Variants in ANKRD30A observed in about 807,000 individuals in gnomAD.
The protein encoded by ANKRD30A is ankyrin repeat domain-containing protein 30A.
Under a neutral mutation model 166.3 loss-of-function variants are expected in ANKRD30A, and 170 were observed. The ratio of observed to expected loss-of-function variants is 1.02; its 90% CI spans 0.90 to 1.16. The LOEUF (loss-of-function observed/expected upper bound fraction) is 1.16. Among genes scored for constraint, ANKRD30A ranks in the 50% most tolerant of loss-of-function variants. The pLI is 0.00. For missense variants in ANKRD30A, 1,630 were observed against 1,518.0 expected (o/e 1.07, Z -1.23); for synonymous variants, 564 against 508.9 (o/e 1.11, Z -1.46).
intron 7 of ANKRD30A, among the ~76,000 whole-genome samples, chr10:37,143,113 A>T (rs1044951093): frequency 6.6e-6 from 1 of 152,220 alleles, no homozygotes; most frequent in African/African-American, 2.4e-5. Context: ...TGATTAGCTT[A>T]GAATAATGAT....
chr10:37,151,966 A>T (rs17605897), intron 11 of ANKRD30A, 94 bp from the exon 12 acceptor site: 213 of 1,156,656 alleles, frequency 1.8e-4, no homozygotes, highest in Non-Finnish European at 2.3e-4. Context: ...AGGAAAAACC[A>T]CAGATTCGTG....
chr10:37,195,682 G>A (rs1404826654), intron 27 of ANKRD30A, among the ~76,000 whole-genome samples: 6 of 152,194 alleles, frequency 3.9e-5, no homozygotes, highest in South Asian at 4.1e-4. Context: ...ATCACTAGGT[G>A]AGGAGATCGA....
At chr10:37,229,055 CTTG>C (rs1306676722) in intron 34 of ANKRD30A, among the ~76,000 whole-genome samples, 3 of 151,932 alleles carry the variant, frequency 2.0e-5, no homozygotes, top group East Asian at 1.9e-4. Context: ...AGCTATATGT[CTTG>C]TTGTTAATGC....
At chr10:37,221,640 C>A (rs989894477) in intron 34 of ANKRD30A, among the ~76,000 whole-genome samples, 3 of 151,228 alleles carry the variant, frequency 2.0e-5, no homozygotes, top group African/African-American at 7.3e-5. Context: ...AAAACTGTGG[C>A]TGTCATTCTG....
At position 37,130,262 on chromosome 10, in the gene ANKRD30A, A is replaced by G. The variant is rs1163627429; in HGVS notation, c.394A>G (p.Ile132Val). ...ANILIDSGAD[I>V]NLVDVYGNTA... ...TATTCTGATAGATTCTGGTGCCGAT[A>G]TAAATCTCGTAGATGTGTATGGCAA... The change falls in exon 3 of 36, where the codon ATA (isoleucine) becomes GTA (valine). Residue 132 changes from isoleucine (I) to valine (V), a missense_variant. By Grantham distance (29) the Ile-to-Val change is conservative (BLOSUM62 3). Around this residue, in one of 4 missense-constraint regions of ANKRD30A, gnomAD observed 904 missense variants for 818.5 expected, o/e 1.10. Transcript: ENST00000361713. The G allele has an allele frequency of 7.5e-6, 12 of 1,604,104 alleles. No individual in the cohort carries two copies. Among genetic ancestry groups the G allele is most frequent in the African/African-American group, 1.4e-5 (1 of 74,030 alleles).
chr10:37,248,395 A>G, the ANKRD30A span, among the ~76,000 whole-genome samples: 1 of 152,178 alleles, frequency 6.6e-6, no homozygotes, highest in African/African-American at 2.4e-5. Context: ...ACAGCAAGCC[A>G]AGTAGGTTAC....
chr10:37,190,248 C>T (rs1466678939), intron 25 of ANKRD30A, among the ~76,000 whole-genome samples: 2 of 151,888 alleles, frequency 1.3e-5, no homozygotes, highest in South Asian at 2.1e-4. Context: ...ACTTGGGATT[C>T]TGCATTTTTA....
At chr10:37,165,353 G>T (rs1268404913) in intron 18 of ANKRD30A, among the ~76,000 whole-genome samples, 198 bp downstream of exon 18, 6 of 152,220 alleles carry the variant, frequency 3.9e-5, no homozygotes, top group African/African-American at 7.2e-5. Flanking sequence ...GAATTTGTAC[G>T]ATTAATTTAA....
intron 31 of ANKRD30A, among the ~76,000 whole-genome samples, chr10:37,210,515 G>T (rs1018021503): frequency 1.3e-5 from 2 of 151,866 alleles, no homozygotes; most frequent in Admixed American, 6.6e-5. Flanking sequence ...TGGTATTTCT[G>T]GTTCTAGATC....
chr10:37,164,090 G>T (rs561545321), intron 17 of ANKRD30A, among the ~76,000 whole-genome samples: 32 of 148,140 alleles, frequency 2.2e-4, no homozygotes, highest in African/African-American at 7.0e-4. Context: ...TTGTGAACAT[G>T]AGCTATGCTG....
intron 24 of ANKRD30A, among the ~76,000 whole-genome samples, chr10:37,179,645 C>T (rs1274743052): frequency 1.4e-5 from 2 of 145,946 alleles, no homozygotes; most frequent in Admixed American, 6.8e-5. Context: ...AACTCTTATC[C>T]GAACTGTGTG....
At position 37,218,965 on chromosome 10, in the gene ANKRD30A, T is replaced by C; in HGVS notation, c.3268-15T>C. 2.0e-6 allele frequency: 3 copies of C among 1,524,126 alleles called. No homozygotes were observed. The highest frequency in any genetic ancestry group is 2.7e-6 in the Non-Finnish European group (3 of 1,127,798). The allele number at this position is 1,524,126 out of a possible 1,614,324, so 94.4% of individuals were successfully genotyped here. On this transcript the variant is annotated splice_polypyrimidine_tract_variant and intron_variant, in intron 33 of 35. Coordinates refer to ENST00000361713, the MANE Select transcript of ANKRD30A (RefSeq NM_052997.3). ...TTATTGAGTGCTAGCTAAAAGTTTA[T>C]TTTGTTTTATTTAGGTTTCTCACAC...
intron 31 of ANKRD30A, among the ~76,000 whole-genome samples, chr10:37,212,452 A>G (rs1442388351): frequency 6.6e-6 from 1 of 152,056 alleles, no homozygotes; most frequent in Admixed American, 6.6e-5. Context: ...GCCCAAGGTA[A>G]TTTATCGATT....
chr10:37,179,017 T>C (rs1193247061), intron 24 of ANKRD30A, among the ~76,000 whole-genome samples: 5 of 3,470 alleles, frequency 1.4e-3, no homozygotes, highest in East Asian at 6.3e-3. Context: ...GCGTCAAATA[T>C]ATATATATAT....
intron 12 of ANKRD30A, among the ~76,000 whole-genome samples, chr10:37,153,112 T>C (rs1838079956): frequency 6.6e-6 from 1 of 152,180 alleles, no homozygotes; most frequent in African/African-American, 2.4e-5. Flanking sequence ...CTAAAAGTTC[T>C]CTTCATGACA....
chr10:37,148,274 A>T (rs1837658766), intron 9 of ANKRD30A, among the ~76,000 whole-genome samples: 1 of 152,114 alleles, frequency 6.6e-6, no homozygotes, highest in Non-Finnish European at 1.5e-5. Context: ...AAGACAAAAC[A>T]GGGTCAAGAG....
intron 3 of ANKRD30A, among the ~76,000 whole-genome samples, chr10:37,131,795 A>G (rs1319210290): frequency 6.6e-6 from 1 of 152,204 alleles, no homozygotes; most frequent in African/African-American, 2.4e-5. Context: ...ATATTTCTTG[A>G]ACATAGATAA....
rs775044197 is a variant in ANKRD30A at position 37,149,652 on chromosome 10, G to A, written c.1545G>A (p.Glu515=). 9.9e-6 allele frequency: 16 copies of A among 1,611,612 alleles called. No homozygotes were observed. The African/African-American group carries it at 1.5e-4, about 15-fold the overall frequency. Reference sequence around the variant, plus strand: ...TGATAAATCTCTTTTGCTTTTTAGAGCCTCCTAAGAAGCCATCTGCCTTCA... The same window carrying A: ...TGATAAATCTCTTTTGCTTTTTAGAACCTCCTAAGAAGCCATCTGCCTTCA... ...KVMEINREVE[E]PPKKPSAFKP... Residue 515 remains glutamate (E), a splice_region_variant and synonymous_variant, in exon 10 of 36, where the codon GAG becomes GAA. Coordinates refer to ENST00000361713, the MANE Select transcript of ANKRD30A (RefSeq NM_052997.3).
At chr10:37,205,592 G>T (rs988777184) in intron 31 of ANKRD30A, among the ~76,000 whole-genome samples, 2 of 152,022 alleles carry the variant, frequency 1.3e-5, no homozygotes, top group African/African-American at 2.4e-5. Context: ...AGAACTTAAT[G>T]TATAATAACA....
Sources: allele counts gnomAD v4.1 joint callset (sites outside exome capture counted in the v4.1 genomes callset), GRCh38; gene constraint gnomAD v4.1.1; regional missense constraint gnomAD v4.1.1; transcripts MANE v1.5; gene names NCBI Gene and HGNC (gene_info 2026-07-23, HGNC 2026-07-21).